Variants in NAV2 observed in about 807,000 individuals in gnomAD.
NAV2 encodes helicase, APC down-regulated 1.
Under a neutral mutation model 223.2 loss-of-function variants are expected in NAV2, and 54 were observed. That is an observed-to-expected ratio of 0.24 (90% confidence interval 0.19 to 0.30). The LOEUF is 0.30. NAV2 is among the 10% of genes least tolerant of loss of function. NAV2 has a pLI of 1.00. For missense variants in NAV2, 2,806 were observed against 3,147.5 expected (o/e 0.89, Z 2.60); for synonymous variants, 1,279 against 1,239.3 (o/e 1.03, Z -0.67).
At chr11:20,007,574 A>G (rs2053190537) in intron 11 of NAV2, among the ~76,000 whole-genome samples, 5 of 152,252 alleles carry the variant, frequency 3.3e-5, no homozygotes, top group Admixed American at 3.3e-4. Context: ...TTTAGCCAGC[A>G]CAGTGTATTC....
intron 3 of NAV2, among the ~76,000 whole-genome samples, chr11:19,856,406 C>T (rs1479732657): frequency 1.3e-5 from 2 of 152,156 alleles, no homozygotes; most frequent in East Asian, 1.9e-4. Context: ...TTATCACAGA[C>T]TTTAGAATTT....
At chr11:19,814,380 C>T (rs2012534) in intron 1 of NAV2, among the ~76,000 whole-genome samples, 57,221 of 151,962 alleles carry the variant, frequency 0.38, 12,750 homozygotes, top group Non-Finnish European at 0.51. Flanking sequence ...GGCCCACTGC[C>T]CTCTCCCTCC....
intron 10 of NAV2, among the ~76,000 whole-genome samples, chr11:19,982,190 A>G (rs183006294): frequency 1.3e-5 from 2 of 152,264 alleles, no homozygotes; most frequent in Admixed American, 1.3e-4. Context: ...TTGAGATTTA[A>G]TTCATATATC....
chr11:20,114,883 G>A, intron 37 of NAV2, 88 bp downstream of exon 37: 1 of 1,309,170 alleles, frequency 7.6e-7, no homozygotes, highest in Non-Finnish European at 1.1e-6. Context: ...AAATACAAAG[G>A]TGACTAAATC....
chr11:20,053,265 C>T (rs1404447795), intron 17 of NAV2, among the ~76,000 whole-genome samples: 1 of 138,516 alleles, frequency 7.2e-6, no homozygotes, highest in Non-Finnish European at 1.5e-5. Flanking sequence ...TCACACGCTA[C>T]TTATGGGCAT....
At chr11:19,643,201 C>CATG (rs2047714461) in intron 1 of NAV2, among the ~76,000 whole-genome samples, 1 of 152,102 alleles carries the variant, frequency 6.6e-6, no homozygotes, top group South Asian at 2.1e-4. Flanking sequence ...TTTTAGGGTA[C>CATG]ATGTGCACAA....
At chr11:20,109,253 G>A (rs1342476282) in intron 36 of NAV2, among the ~76,000 whole-genome samples, 1 of 152,240 alleles carries the variant, frequency 6.6e-6, no homozygotes, top group African/African-American at 2.4e-5. Context: ...CATACGCATT[G>A]CAAATTCAAG....
intron 1 of NAV2, among the ~76,000 whole-genome samples, chr11:19,363,816 A>G (rs909487588): frequency 2.6e-5 from 4 of 152,216 alleles, no homozygotes; most frequent in Admixed American, 1.3e-4. Flanking sequence ...ACAGAACTCA[A>G]GAAAACAGTT....
intron 1 of NAV2, among the ~76,000 whole-genome samples, chr11:19,739,646 A>G (rs375646523): frequency 6.6e-6 from 1 of 152,300 alleles, no homozygotes. Context: ...TCTGTTAGCC[A>G]CAGTATCCAC....
At chr11:19,663,327 T>C (rs1421526205) in intron 1 of NAV2, among the ~76,000 whole-genome samples, 1 of 152,214 alleles carries the variant, frequency 6.6e-6, no homozygotes, top group Non-Finnish European at 1.5e-5. Flanking sequence ...GCTGAGCATT[T>C]TATATACATT....
intron 1 of NAV2, among the ~76,000 whole-genome samples, chr11:19,387,077 T>A (rs1390439933): frequency 6.6e-6 from 1 of 152,226 alleles, no homozygotes; most frequent in African/African-American, 2.4e-5. Context: ...TAATTTCATT[T>A]TCTTGGTCTC....
At position 20,067,572 on chromosome 11, in the gene NAV2, G is replaced by T. The variant is rs184064516; in HGVS notation, c.4885-614G>T. On this transcript the variant is annotated intron_variant, in intron 20 of 37. Transcript: ENST00000349880. Reference sequence around the variant, plus strand: ...AGCTCACTGCAATCTCCACCTCCTGGGTTCAAGCCATTCTCCTGCCTCAGC... The same window carrying T: ...AGCTCACTGCAATCTCCACCTCCTGTGTTCAAGCCATTCTCCTGCCTCAGC... 3.3e-5 allele frequency among the ~76,000 whole-genome samples: 5 copies of T among 152,028 alleles called. No individual in the cohort carries two copies. In the East Asian group the frequency reaches 7.7e-4, roughly 24 times the overall value.
chr11:19,552,544 C>A (rs1212090015), intron 1 of NAV2, among the ~76,000 whole-genome samples: 1 of 152,142 alleles, frequency 6.6e-6, no homozygotes, highest in African/African-American at 2.4e-5. Context: ...AGCTCCCCAG[C>A]CTGAATCCCA....
At chr11:19,782,038 T>C (rs2056790264) in intron 1 of NAV2, among the ~76,000 whole-genome samples, 1 of 152,194 alleles carries the variant, frequency 6.6e-6, no homozygotes, top group Non-Finnish European at 1.5e-5. Flanking sequence ...ATTTCCACTC[T>C]CAGGGACTTC....
At chr11:19,398,852 C>T (rs1849572351) in intron 1 of NAV2, among the ~76,000 whole-genome samples, 1 of 152,246 alleles carries the variant, frequency 6.6e-6, no homozygotes, top group Non-Finnish European at 1.5e-5. Flanking sequence ...GGGTGCACAA[C>T]ATTTTTGGAC....
intron 5 of NAV2, among the ~76,000 whole-genome samples, chr11:19,882,725 A>G (rs2063292793): frequency 6.6e-6 from 1 of 152,178 alleles, no homozygotes; most frequent in Non-Finnish European, 1.5e-5. Context: ...AGCCAAACTT[A>G]CTTGAGTCAG....
intron 10 of NAV2, among the ~76,000 whole-genome samples, chr11:19,972,035 T>A (rs1322062961): frequency 6.6e-6 from 1 of 152,158 alleles, no homozygotes; most frequent in Non-Finnish European, 1.5e-5. Context: ...TCATGCCCCA[T>A]CCTGAAAGAT....
intron 1 of NAV2, among the ~76,000 whole-genome samples, chr11:19,784,130 T>C (rs2056940505): frequency 6.6e-6 from 1 of 152,106 alleles, no homozygotes. Context: ...GGCTTATGCC[T>C]GTAATCCCAG....
At chr11:19,624,186 G>A (rs898931699) in intron 1 of NAV2, among the ~76,000 whole-genome samples, 1 of 152,210 alleles carries the variant, frequency 6.6e-6, no homozygotes, top group Non-Finnish European at 1.5e-5. Context: ...CTACTGCGAG[G>A]TGCCTCCCAG....
Sources: allele counts gnomAD v4.1 joint callset (sites outside exome capture counted in the v4.1 genomes callset), GRCh38; gene constraint gnomAD v4.1.1; transcripts MANE v1.5; gene names NCBI Gene and HGNC (gene_info 2026-07-23, HGNC 2026-07-21).